The following IQGAP2 variants were observed in gnomAD, a reference collection of about 807,000 sequenced individuals.
IQGAP2 encodes the protein IQ motif containing GTPase activating protein 2.
IQGAP2 carries 173 observed loss-of-function variants against 201.3 expected under a neutral mutation model. The ratio of observed to expected loss-of-function variants is 0.86; its 90% confidence interval spans 0.76 to 0.98. The LOEUF (loss-of-function observed/expected upper bound fraction) is 0.98, where lower values mean the gene tolerates loss of function less well. IQGAP2 is among the 50% of genes least tolerant of loss of function. The pLI is 0.00. For missense variants in IQGAP2, 1,687 were observed against 1,864.8 expected (o/e 0.90, Z 1.76); for synonymous variants, 675 against 673.9 (o/e 1.00, Z -0.03).
At chr5:76,692,106 T>C (rs1022916328) in intron 30 of IQGAP2, among the ~76,000 whole-genome samples, 1 of 152,198 alleles carries the variant, frequency 6.6e-6, no homozygotes, top group Non-Finnish European at 1.5e-5. Flanking sequence ...AAACAAACTT[T>C]TGTCTGTGTT....
chr5:76,518,288 A>G (rs139296254), intron 2 of IQGAP2, among the ~76,000 whole-genome samples: 1 of 152,306 alleles, frequency 6.6e-6, no homozygotes, highest in African/African-American at 2.4e-5. Context: ...TTGGACTTAC[A>G]GTTCCATGTG....
chr5:76,530,302 G>A (rs1390543734), intron 2 of IQGAP2, among the ~76,000 whole-genome samples: 2 of 152,032 alleles, frequency 1.3e-5, no homozygotes, highest in African/African-American at 4.8e-5. Flanking sequence ...CCAATCCCTG[G>A]TACATAACAT....
At chr5:76,670,091 C>G (rs1744172001) in intron 23 of IQGAP2, among the ~76,000 whole-genome samples, 1 of 152,184 alleles carries the variant, frequency 6.6e-6, no homozygotes, top group African/African-American at 2.4e-5. Context: ...GCGGGTGAAG[C>G]TGTGCATGCA....
chr5:76,601,146 T>C (rs1205197265), intron 11 of IQGAP2, among the ~76,000 whole-genome samples, 174 bp downstream of exon 11: 3 of 152,220 alleles, frequency 2.0e-5, no homozygotes, highest in Admixed American at 1.3e-4. Context: ...GTATTCCTTC[T>C]GGGGAACAAG....
At chr5:76,482,934 T>G (rs1755876296) in intron 2 of IQGAP2, among the ~76,000 whole-genome samples, 1 of 152,138 alleles carries the variant, frequency 6.6e-6, no homozygotes. Flanking sequence ...ATGAAATGGG[T>G]CCAGGAACAC....
At chr5:76,495,168 G>A (rs1176370119) in intron 2 of IQGAP2, among the ~76,000 whole-genome samples, 3 of 152,144 alleles carry the variant, frequency 2.0e-5, no homozygotes, top group Non-Finnish European at 4.4e-5. Flanking sequence ...ATATATCTAT[G>A]TTATAAAAAT....
intron 11 of IQGAP2, 82 bp from the exon 12 acceptor site, chr5:76,606,097 G>C: frequency 2.5e-6 from 3 of 1,222,654 alleles, no homozygotes; most frequent in East Asian, 4.9e-5. Context: ...AACTATGTTT[G>C]ACCATGTGTC....
intron 12 of IQGAP2, chr5:76,609,165 T>C (rs1418176307): frequency 5.9e-6 from 9 of 1,535,944 alleles, no homozygotes; most frequent in African/African-American, 1.4e-5. Flanking sequence ...TCAGCTGAAA[T>C]GCACTCACTT....
chr5:76,654,112 A>T, intron 18 of IQGAP2, 88 bp from the exon 19 acceptor site: 1 of 848,186 alleles, frequency 1.2e-6, no homozygotes. Context: ...GAAAAACTAC[A>T]CAAAACCGTA....
intron 2 of IQGAP2, among the ~76,000 whole-genome samples, chr5:76,515,615 A>T (rs1758266861): frequency 6.6e-6 from 1 of 152,204 alleles, no homozygotes; most frequent in Admixed American, 6.5e-5. Context: ...ATAGGAACAA[A>T]TTTGTTTCTT....
Position 76,597,307 on chromosome 5 carries a change from C to G in IQGAP2, c.908-132C>G, listed in dbSNP as rs530769685. 88 of 816,584 alleles carry G rather than the reference C, an allele frequency of 1.1e-4. No individual in the cohort carries two copies. The East Asian group carries it at 2.2e-3, about 21-fold the overall frequency. The allele number at this position is 816,584 out of a possible 1,614,324, so 50.6% of individuals were successfully genotyped here. On this transcript the variant is annotated intron_variant, in intron 9 of 35. Transcript: ENST00000274364. ...TAACATTTTCAAAGCCTTACCTACC[C>G]TCTGCCTGCAGCTTTTCAGAGTTCA...
intron 2 of IQGAP2, among the ~76,000 whole-genome samples, chr5:76,527,397 T>A (rs1759036037): frequency 1.3e-5 from 2 of 152,192 alleles, no homozygotes; most frequent in Non-Finnish European, 2.9e-5. Context: ...GGATCCTTCA[T>A]TAGCCCTGCA....
chr5:76,411,529 A>ACCAGAGTTCTGC (rs1001448648), intron 1 of IQGAP2, among the ~76,000 whole-genome samples: 3 of 152,162 alleles, frequency 2.0e-5, no homozygotes, highest in Non-Finnish European at 4.4e-5. Context: ...TGATTAGGCC[A>ACCAGAGTTCTGC]CCAGAGTTCT....
intron 3 of IQGAP2, among the ~76,000 whole-genome samples, chr5:76,567,009 G>A (rs1291399554): frequency 6.6e-6 from 1 of 152,224 alleles, no homozygotes; most frequent in Non-Finnish European, 1.5e-5. Flanking sequence ...GTCTGACAAG[G>A]TTCAAAGATG....
chr5:76,554,530 G>A (rs1469646301), intron 2 of IQGAP2, among the ~76,000 whole-genome samples: 2 of 152,152 alleles, frequency 1.3e-5, no homozygotes, highest in Non-Finnish European at 2.9e-5. Context: ...TTCTCCAAAA[G>A]TATATAAATG....
intron 11 of IQGAP2, among the ~76,000 whole-genome samples, chr5:76,602,262 A>G (rs1042120850): frequency 6.6e-6 from 1 of 152,112 alleles, no homozygotes; most frequent in Non-Finnish European, 1.5e-5. Flanking sequence ...GCTTTGCCAT[A>G]CTTTCTCAGT....
At chr5:76,457,517 A>G (rs1182053485) in intron 1 of IQGAP2, among the ~76,000 whole-genome samples, 1 of 152,202 alleles carries the variant, frequency 6.6e-6, no homozygotes, top group Non-Finnish European at 1.5e-5. Flanking sequence ...TCTCCATAAT[A>G]AACTGGCACC....
intron 1 of IQGAP2, among the ~76,000 whole-genome samples, chr5:76,435,587 G>T (rs1030631153): frequency 1.3e-5 from 2 of 152,148 alleles, no homozygotes; most frequent in Non-Finnish European, 2.9e-5. Flanking sequence ...GGTAACTATA[G>T]CCTTGCAGTA....
chr5:76,625,826 A>C (rs1401644647), intron 13 of IQGAP2, among the ~76,000 whole-genome samples: 1 of 152,208 alleles, frequency 6.6e-6, no homozygotes, highest in Admixed American at 6.5e-5. Flanking sequence ...CATTCATCAC[A>C]GTCTTGACTT....
Sources: gnomAD v4.1 joint callset for allele counts (sites outside exome capture counted in the v4.1 genomes callset) on GRCh38, gnomAD v4.1.1 for gene constraint, MANE v1.5 for transcripts, NCBI Gene and HGNC (gene_info 2026-07-23, HGNC 2026-07-21) for gene names.